NTNG1: variants seen among roughly 807,000 people sequenced by gnomAD.
NTNG1 encodes netrin-G1.
In NTNG1, 16 loss-of-function variants were observed where a neutral mutation model predicts 54.0. The ratio of observed to expected loss-of-function variants is 0.30; its 90% CI spans 0.20 to 0.45. The LOEUF (loss-of-function observed/expected upper bound fraction) is 0.45. Ranked by LOEUF, NTNG1 falls within the 20% of genes least tolerant of loss-of-function variation. The probability of loss-of-function intolerance (pLI) is 1.00; values close to 1 mark genes in which losing one functional copy is unlikely to be tolerated. For synonymous variants in NTNG1, 255 were observed against 263.1 expected (o/e 0.97, Z 0.30); for missense variants, 530 against 678.7 (o/e 0.78, Z 2.43).
At chr1:107,157,868 A>T (rs1258209877) in intron 2 of NTNG1, among the ~76,000 whole-genome samples, 1 of 152,096 alleles carries the variant, frequency 6.6e-6, no homozygotes, top group Non-Finnish European at 1.5e-5. Context: ...TGTCAGCATA[A>T]TCCATTCAAA....
intron 5 of NTNG1, among the ~76,000 whole-genome samples, chr1:107,426,427 C>A (rs559202855): frequency 7.9e-5 from 12 of 151,948 alleles, no homozygotes; most frequent in African/African-American, 2.7e-4. Flanking sequence ...GAATAGGGTG[C>A]TTTTCCCCAT....
intron 2 of NTNG1, among the ~76,000 whole-genome samples, chr1:107,298,713 A>T (rs563451774): frequency 6.6e-6 from 1 of 152,306 alleles, no homozygotes; most frequent in Non-Finnish European, 1.5e-5. Context: ...GTTGTGACAT[A>T]GTTGTCATTG....
Position 107,430,746 on chromosome 1 carries a change from C to T in NTNG1, c.1088-4C>T. On this transcript the variant is annotated splice_polypyrimidine_tract_variant and splice_region_variant and intron_variant, in intron 5 of 7. Coordinates refer to ENST00000370068, the MANE Select transcript of NTNG1 (RefSeq NM_001113226.3). The stretch of plus-strand genomic sequence containing the variant: ...CTGTATACATTTCTGTTCTTCCTTG[C>T]AAGATTGTGAATGCTTCGGCCACTC... 2 of 1,613,040 alleles carry T rather than the reference C, an allele frequency of 1.2e-6. No individual in the cohort carries two copies. The highest frequency in any genetic ancestry group is 2.2e-5 in the East Asian group (1 of 44,790).
intron 3 of NTNG1, among the ~76,000 whole-genome samples, chr1:107,360,864 G>A (rs1394747091): frequency 6.6e-6 from 1 of 151,998 alleles, no homozygotes; most frequent in Non-Finnish European, 1.5e-5. Context: ...TCTCGTCCAT[G>A]CCTCCAGAAT....
intron 2 of NTNG1, among the ~76,000 whole-genome samples, chr1:107,313,528 G>C (rs1667149719): frequency 6.6e-6 from 1 of 152,154 alleles, no homozygotes; most frequent in Non-Finnish European, 1.5e-5. Flanking sequence ...GATAGTTGAA[G>C]CTGTAAATGG....
chr1:107,304,797 A>G (rs773692859), intron 2 of NTNG1, among the ~76,000 whole-genome samples: 1 of 152,052 alleles, frequency 6.6e-6, no homozygotes, highest in Non-Finnish European at 1.5e-5. Context: ...CAGATTTGTT[A>G]CATAGGTATA....
intron 2 of NTNG1, among the ~76,000 whole-genome samples, chr1:107,199,385 C>G (rs373822502): frequency 1.3e-5 from 2 of 151,676 alleles, no homozygotes; most frequent in African/African-American, 4.8e-5. Context: ...TGAAGCACAA[C>G]CTTAGCTCAC....
At chr1:107,444,928 T>G (rs977502740) in intron 7 of NTNG1, among the ~76,000 whole-genome samples, 1 of 152,112 alleles carries the variant, frequency 6.6e-6, no homozygotes, top group Non-Finnish European at 1.5e-5. Context: ...CTTTACACAC[T>G]AATGAGTGTA....
chr1:107,358,425 T>C (rs2100934422), intron 3 of NTNG1, among the ~76,000 whole-genome samples: 1 of 151,980 alleles, frequency 6.6e-6, no homozygotes, highest in Non-Finnish European at 1.5e-5. Flanking sequence ...TGCACATAGA[T>C]TTGGTCACGA....
intron 2 of NTNG1, among the ~76,000 whole-genome samples, chr1:107,303,380 C>T (rs906243488): frequency 6.6e-6 from 1 of 152,142 alleles, no homozygotes; most frequent in African/African-American, 2.4e-5. Flanking sequence ...ATCCAATAAT[C>T]TTAGCCATAG....
chr1:107,158,125 T>C (rs2053438579), intron 2 of NTNG1, among the ~76,000 whole-genome samples: 1 of 152,184 alleles, frequency 6.6e-6, no homozygotes, highest in Non-Finnish European at 1.5e-5. Flanking sequence ...TGAAAAAAGT[T>C]GAATCCTAAA....
At chr1:107,306,856 C>T (rs978907664) in intron 2 of NTNG1, among the ~76,000 whole-genome samples, 2 of 152,094 alleles carry the variant, frequency 1.3e-5, no homozygotes, top group South Asian at 2.1e-4. Context: ...GAATTAGCTA[C>T]TTTAATCTAT....
At chr1:107,317,513 A>C (rs183144642) in intron 2 of NTNG1, among the ~76,000 whole-genome samples, 9 of 152,302 alleles carry the variant, frequency 5.9e-5, no homozygotes, top group Admixed American at 3.3e-4. Flanking sequence ...GCAAAGTAAT[A>C]ATTGACATTG....
intron 7 of NTNG1, among the ~76,000 whole-genome samples, chr1:107,453,983 T>C (rs1676779067): frequency 6.6e-6 from 1 of 152,020 alleles, no homozygotes; most frequent in South Asian, 2.1e-4. Flanking sequence ...CCACACCAAC[T>C]CACTGTGATA....
chr1:107,196,737 TAGAAA>T (rs1658363911), intron 2 of NTNG1, among the ~76,000 whole-genome samples: 1 of 151,946 alleles, frequency 6.6e-6, no homozygotes, highest in East Asian at 1.9e-4. Flanking sequence ...GTATGTTGGG[TAGAAA>T]AGAAGAGTTC....
At chr1:107,365,116 G>A (rs933131193) in intron 3 of NTNG1, among the ~76,000 whole-genome samples, 4 of 151,982 alleles carry the variant, frequency 2.6e-5, no homozygotes, top group African/African-American at 9.7e-5. Context: ...TACATATGGG[G>A]CCTTGTATCC....
intron 2 of NTNG1, among the ~76,000 whole-genome samples, chr1:107,314,393 G>A (rs1019922228): frequency 4.6e-5 from 7 of 151,746 alleles, no homozygotes; most frequent in South Asian, 2.1e-4. Context: ...GGGAGAATCC[G>A]TCTCAATAAA....
chr1:107,287,944 C>G (rs183138531), intron 2 of NTNG1, among the ~76,000 whole-genome samples: 5 of 152,210 alleles, frequency 3.3e-5, no homozygotes, highest in African/African-American at 1.2e-4. Context: ...ACAGCTATCA[C>G]TATTGGAACC....
At chr1:107,202,392 G>A (rs561403665) in intron 2 of NTNG1, among the ~76,000 whole-genome samples, 24 of 151,914 alleles carry the variant, frequency 1.6e-4, no homozygotes, top group East Asian at 1.6e-3. Context: ...GTTAATGTAC[G>A]TAAAATACTT....
Sources: allele counts gnomAD v4.1 joint callset (sites outside exome capture counted in the v4.1 genomes callset), GRCh38; gene constraint gnomAD v4.1.1; transcripts MANE v1.5; gene names NCBI Gene and HGNC (gene_info 2026-07-23, HGNC 2026-07-21).